Variants in FBXL5 observed in about 807,000 individuals in gnomAD.
FBXL5 encodes the protein F-box and leucine rich repeat protein 5.
In FBXL5, 26 loss-of-function variants were observed where a neutral mutation model predicts 78.3. The observed-to-expected ratio is 0.33, with a 90% CI of 0.24 to 0.46. The LOEUF is 0.46. FBXL5 is among the 20% of genes least tolerant of loss of function. The probability of loss-of-function intolerance (pLI) is 1.00; values close to 1 mark genes in which losing one functional copy is unlikely to be tolerated. For synonymous variants in FBXL5, 295 were observed against 282.5 expected (o/e 1.04, Z -0.45); for missense variants, 710 against 829.2 (o/e 0.86, Z 1.77).
upstream of FBXL5, among the ~76,000 whole-genome samples, chr4:15,658,300 C>T (rs1194435986): frequency 1.3e-5 from 2 of 152,170 alleles, no homozygotes; most frequent in Non-Finnish European, 2.9e-5. Context: ...CCTTACTGTC[C>T]ATCAAAATAG....
In FBXL5 at chr4:15,625,353, G is replaced by T. The variant is rs761125813; in HGVS notation, c.1749C>A (p.Asp583Glu). Residue 583 changes from aspartate to glutamate, a missense_variant, in exon 9 of 11, where the codon GAC becomes GAA. Physicochemically the swap from Asp to Glu is conservative, Grantham distance 45. Transcript: ENST00000341285. ...AARTRLPRGK[D>E]LIYFGSEKSD... ...ATTTTTCACTCCCAAAGTAAATTAA[G>T]TCTTTTCCCCTAGGCAATCTAGTCC... 6.2e-7 allele frequency: 1 copy of T among 1,614,170 alleles called. No homozygotes were observed. Among genetic ancestry groups the T allele is most frequent in the East Asian group, 2.2e-5 (1 of 44,890 alleles).
In FBXL5 at chr4:15,655,313, G is replaced by C. The variant is rs1332046180; in HGVS notation, c.-26C>G. The C allele has an allele frequency of 1.5e-6, 2 of 1,368,152 alleles. No individual in the cohort carries two copies. Among genetic ancestry groups the C allele is most frequent in the Non-Finnish European group, 9.7e-7 (1 of 1,034,262 alleles). 84.8% of individuals were successfully genotyped at this position (1,368,152 alleles called of 1,614,324 possible). On this transcript the variant is annotated 5_prime_UTR_variant, in exon 1 of 11. Transcript: ENST00000341285. ...CGCCACTGCCTCAGCCTCCGCCTCAGCAGCCGCGGCCGCCGCCTCTCCATA... is the reference window on the plus strand; with the variant it reads ...CGCCACTGCCTCAGCCTCCGCCTCACCAGCCGCGGCCGCCGCCTCTCCATA...
upstream of FBXL5, among the ~76,000 whole-genome samples, chr4:15,657,594 C>T (rs1717065243): frequency 6.6e-6 from 1 of 152,216 alleles, no homozygotes; most frequent in Non-Finnish European, 1.5e-5. Flanking sequence ...ACTTTGGACA[C>T]TGGCCATTTC....
chr4:15,635,751 C>G (rs955894228), intron 5 of FBXL5, among the ~76,000 whole-genome samples: 1 of 113,758 alleles, frequency 8.8e-6, no homozygotes, highest in East Asian at 2.4e-4. Context: ...GAAACTCTGC[C>G]TCAAAAAAAG....
intron 1 of FBXL5, among the ~76,000 whole-genome samples, chr4:15,665,924 C>G (rs1285566681): frequency 1.3e-5 from 2 of 152,058 alleles, no homozygotes; most frequent in African/African-American, 2.4e-5. Flanking sequence ...AGACCATAAG[C>G]CACACCCTTG....
intron 9 of FBXL5, among the ~76,000 whole-genome samples, chr4:15,615,468 G>A (rs561218449): frequency 1.6e-4 from 24 of 150,840 alleles, no homozygotes; most frequent in Non-Finnish European, 2.7e-4. Flanking sequence ...CAAGGTTTGT[G>A]AGTGCACCAG....
intron 6 of FBXL5, among the ~76,000 whole-genome samples, chr4:15,629,219 A>G (rs73241112): frequency 0.091 from 13,896 of 152,166 alleles, 780 homozygotes; most frequent in Non-Finnish European, 0.12. Flanking sequence ...TTCCTTTTCA[A>G]TATGAAGGAA....
intron 5 of FBXL5, among the ~76,000 whole-genome samples, chr4:15,632,546 G>A (rs1203216452): frequency 2.0e-5 from 3 of 152,178 alleles, no homozygotes; most frequent in Non-Finnish European, 4.4e-5. Context: ...CTATCCATGA[G>A]CATGGAATGT....
chr4:15,631,223 C>G (rs954235632), intron 5 of FBXL5, among the ~76,000 whole-genome samples: 5 of 152,186 alleles, frequency 3.3e-5, no homozygotes, highest in African/African-American at 4.8e-5. Flanking sequence ...CAGCTTCATC[C>G]ATGTCCCTGC....
At chr4:15,673,862 G>A (rs1283108806) in intron 1 of FBXL5, among the ~76,000 whole-genome samples, 1 of 152,138 alleles carries the variant, frequency 6.6e-6, no homozygotes, top group Non-Finnish European at 1.5e-5. Context: ...CTGTACTATG[G>A]CTTAGAAATT....
chr4:15,633,447 T>C (rs903403201), intron 5 of FBXL5, among the ~76,000 whole-genome samples: 1 of 152,120 alleles, frequency 6.6e-6, no homozygotes, highest in African/African-American at 2.4e-5. Flanking sequence ...TACTCTGTAG[T>C]CAACCAGTCA....
intron 10 of FBXL5, among the ~76,000 whole-genome samples, chr4:15,608,036 T>C (rs1437197435): frequency 1.3e-5 from 2 of 152,182 alleles, no homozygotes; most frequent in African/African-American, 4.8e-5. Flanking sequence ...ATCATTATAA[T>C]GAAATGACAC....
intron 6 of FBXL5, among the ~76,000 whole-genome samples, chr4:15,628,267 TAGTAA>T: frequency 6.6e-6 from 1 of 152,286 alleles, no homozygotes; most frequent in East Asian, 1.9e-4. Flanking sequence ...AAATGATCCA[TAGTAA>T]AACGTACTAT....
chr4:15,618,228 T>C (rs989943142), intron 9 of FBXL5, among the ~76,000 whole-genome samples: 8 of 152,160 alleles, frequency 5.3e-5, no homozygotes, highest in African/African-American at 9.7e-5. Flanking sequence ...ACTAATTTTA[T>C]AGAAATAAAG....
chr4:15,670,788 T>C (rs1387073493), intron 1 of FBXL5, among the ~76,000 whole-genome samples: 3 of 152,164 alleles, frequency 2.0e-5, no homozygotes, highest in Non-Finnish European at 4.4e-5. Flanking sequence ...CTAGTGTATT[T>C]CTACCTGCCT....
At chr4:15,648,374 T>C (rs1406448517) in intron 1 of FBXL5, among the ~76,000 whole-genome samples, 1 of 152,174 alleles carries the variant, frequency 6.6e-6, no homozygotes, top group African/African-American at 2.4e-5. Context: ...AGCAATCCCA[T>C]TCCTGAGTAT....
intron 7 of FBXL5, 21 bp from the exon 8 acceptor site, chr4:15,626,976 A>G: frequency 1.3e-6 from 2 of 1,554,726 alleles, no homozygotes; most frequent in Non-Finnish European, 1.8e-6. Context: ...AGAAATTGTC[A>G]CTGTAAAGAT....
chr4:15,655,893 C>T (rs1012462691), upstream of FBXL5, among the ~76,000 whole-genome samples: 2 of 152,248 alleles, frequency 1.3e-5, no homozygotes, highest in Non-Finnish European at 2.9e-5. Flanking sequence ...GCCTGGCTCC[C>T]ACCCAGCGGT....
intron 5 of FBXL5, among the ~76,000 whole-genome samples, chr4:15,631,112 C>G (rs1713598954): frequency 6.6e-6 from 1 of 152,154 alleles, no homozygotes. Flanking sequence ...GTTCCCCACC[C>G]TGTGTCCAAG....
Sources: gnomAD v4.1 joint callset for allele counts (sites outside exome capture counted in the v4.1 genomes callset) on GRCh38, gnomAD v4.1.1 for gene constraint, MANE v1.5 for transcripts, NCBI Gene and HGNC (gene_info 2026-07-23, HGNC 2026-07-21) for gene names.